CNTRL: variants seen among roughly 807,000 people sequenced by gnomAD.
CNTRL encodes 110 kDa centrosomal protein.
Under a neutral mutation model 303.7 loss-of-function variants are expected in CNTRL, and 233 were observed. The observed-to-expected ratio is 0.77, with a 90% CI of 0.69 to 0.86. The LOEUF is 0.86. Among genes scored for constraint, CNTRL ranks in the 40% least tolerant of loss-of-function variants. The probability of loss-of-function intolerance (pLI) is 0.00; values close to 1 mark genes in which losing one functional copy is unlikely to be tolerated. For synonymous variants in CNTRL, 900 were observed against 922.2 expected (o/e 0.98, Z 0.44); for missense variants, 2,524 against 2,650.6 (o/e 0.95, Z 1.05).
rs768310513 is a variant in CNTRL at position 121,160,235 on chromosome 9, G to A, written c.5022G>A (p.Lys1674=). ...GAAAAACTCAACTTACACTTATAAAGCAGGAAATTGAAAAAGAGGAAGAAA... is the reference window on the plus strand; with the variant it reads ...GAAAAACTCAACTTACACTTATAAAACAGGAAATTGAAAAAGAGGAAGAAA... ...SERKTQLTLI[K]QEIEKEEENL... Residue 1674 remains lysine (K), a synonymous_variant, in exon 32 of 44, where the codon AAG becomes AAA. Transcript: ENST00000373855. The A allele has an allele frequency of 2.6e-6, 4 of 1,561,874 alleles. No individual in the cohort carries two copies. Among genetic ancestry groups the A allele is most frequent in the Non-Finnish European group, 3.4e-6 (4 of 1,159,736 alleles).
intron 27 of CNTRL, among the ~76,000 whole-genome samples, chr9:121,155,457 C>T (rs909508597): frequency 2.0e-5 from 3 of 152,172 alleles, no homozygotes; most frequent in African/African-American, 7.2e-5. Context: ...TCTTGGCTCA[C>T]TGCAACCTCC....
chr9:121,153,702 A>G (rs1204609432), intron 26 of CNTRL, among the ~76,000 whole-genome samples: 1 of 152,204 alleles, frequency 6.6e-6, no homozygotes, highest in Admixed American at 6.5e-5. Context: ...GCAAAAGCCT[A>G]TCTTTTGCAG....
At chr9:121,112,726 A>G (rs2049802608) in intron 9 of CNTRL, 148 bp downstream of exon 9, 1 of 832,014 alleles carries the variant, frequency 1.2e-6, no homozygotes, top group East Asian at 2.6e-5. Flanking sequence ...TTTTGGTTCA[A>G]TCTATGACTT....
chr9:121,075,991 G>C (rs1248145672), intron 1 of CNTRL, among the ~76,000 whole-genome samples: 1 of 152,152 alleles, frequency 6.6e-6, no homozygotes, highest in African/African-American at 2.4e-5. Context: ...ATCCTATACA[G>C]CTAAATCTTT....
rs527842188 is a variant in CNTRL, at chr9:121,117,567, C to T, written c.1456-779C>T. On this transcript the variant is annotated intron_variant, in intron 11 of 43. Transcript: ENST00000373855. ...TCTAGAGTCACACAAAGTCTTGCTT[C>T]CACAAACTCCTAGTATGACCTTGGG... Among the ~76,000 whole-genome samples, 16 of 152,270 alleles carry T rather than the reference C, an allele frequency of 1.1e-4. No individual in the cohort carries two copies. In the South Asian group the frequency reaches 3.3e-3, roughly 32 times the overall value.
chr9:121,076,197 C>T (rs1244155522), intron 1 of CNTRL, among the ~76,000 whole-genome samples: 1 of 152,146 alleles, frequency 6.6e-6, no homozygotes, highest in Non-Finnish European at 1.5e-5. Flanking sequence ...GTGCAGAGAT[C>T]ATGGGTAATA....
intron 40 of CNTRL, among the ~76,000 whole-genome samples, chr9:121,172,185 C>CA (rs1491352700): frequency 3.3e-5 from 5 of 151,718 alleles, no homozygotes; most frequent in Admixed American, 6.6e-5. Context: ...AAAAAATAAC[C>CA]AAAAAAAAAT....
At chr9:121,099,923 C>A (rs1051976162) in intron 7 of CNTRL, among the ~76,000 whole-genome samples, 5 of 152,178 alleles carry the variant, frequency 3.3e-5, no homozygotes, top group African/African-American at 1.2e-4. Context: ...AAGACCAAAT[C>A]TACGATTGAA....
intron 2 of CNTRL, among the ~76,000 whole-genome samples, chr9:121,087,887 G>A (rs2048408239): frequency 6.6e-6 from 1 of 152,172 alleles, no homozygotes; most frequent in Non-Finnish European, 1.5e-5. Context: ...AGGATACCAG[G>A]AGAATGCGGT....
chr9:121,130,188 G>T (rs921609003), intron 14 of CNTRL, among the ~76,000 whole-genome samples: 1 of 152,156 alleles, frequency 6.6e-6, no homozygotes, highest in African/African-American at 2.4e-5. Context: ...TTCATTGGAA[G>T]AGTTTCAGAA....
At chr9:121,108,858 C>G (rs1353998979) in intron 8 of CNTRL, among the ~76,000 whole-genome samples, 1 of 152,060 alleles carries the variant, frequency 6.6e-6, no homozygotes, top group Non-Finnish European at 1.5e-5. Context: ...CTGTATTTAG[C>G]AGAAATGAAA....
chr9:121,161,699 A>G (rs2052861606), intron 32 of CNTRL, among the ~76,000 whole-genome samples, 157 bp from the exon 33 acceptor site: 1 of 152,212 alleles, frequency 6.6e-6, no homozygotes, highest in African/African-American at 2.4e-5. Context: ...CTTTTAGAGA[A>G]TTTTTTATTA....
chr9:121,150,181 G>A lies in CNTRL; in HGVS notation c.3661G>A (p.Gly1221Arg), dbSNP rs755110720. The A allele has an allele frequency of 1.2e-5, 19 of 1,610,854 alleles. No individual in the cohort carries two copies. The highest frequency in any genetic ancestry group is 1.6e-4 in the Middle Eastern group (1 of 6,066). ...TTATTTCTTTGAAGATGCAGACAGT[G>A]GAGGAGATAGTCAGGAAGAGAGTGA... is the stretch of plus-strand genomic sequence containing the variant. ...KLFPSRDADS[G>R]GDSQEESELD... Residue 1221 changes from glycine to arginine, a missense_variant, in exon 25 of 44, where the codon GGA (glycine) becomes AGA (arginine). Gly to Arg is a moderately radical substitution (Grantham distance 125). Coordinates refer to ENST00000373855, the MANE Select transcript of CNTRL (RefSeq NM_007018.6).
Position 121,161,892 on chromosome 9 carries a change from A to G in CNTRL, c.5126A>G (p.Asn1709Ser). The change falls in exon 33 of 44, where the codon AAC becomes AGC. Residue 1709 changes from asparagine (N) to serine (S), a missense_variant. Coordinates refer to ENST00000373855, the MANE Select transcript of CNTRL (RefSeq NM_007018.6). ...KNILDMLQLE[N>S]HELQGLKLQH... ...ATTCTGGACATGTTGCAACTTGAAA[A>G]CCATGAGCTACAAGGTTTGAAGCTA... 1 of 1,614,110 alleles carries G rather than the reference A, an allele frequency of 6.2e-7. No homozygotes were observed. Among genetic ancestry groups the G allele is most frequent in the Non-Finnish European group, 8.5e-7 (1 of 1,179,988 alleles).
chr9:121,105,220 A>G (rs1047383806), intron 7 of CNTRL, among the ~76,000 whole-genome samples: 1 of 152,180 alleles, frequency 6.6e-6, no homozygotes, highest in African/African-American at 2.4e-5. Flanking sequence ...GGAGTGATCC[A>G]GGTTGGAAAC....
At chr9:121,152,392 A>G (rs939251456) in intron 25 of CNTRL, 93 bp from the exon 26 acceptor site, 13 of 1,033,528 alleles carry the variant, frequency 1.3e-5, no homozygotes, top group Non-Finnish European at 1.8e-5. Flanking sequence ...CATTGATACC[A>G]CTTTAACCAC....
rs780946925 is a variant in CNTRL, at chr9:121,169,807, A to G, written c.6267A>G (p.Lys2089=). Reference sequence around the variant, plus strand: ...AGATCCAGCGGAGCCAGCTGGAGAAAAACCTTCTTGTGAGTACCTGCTGCC... The same window carrying G: ...AGATCCAGCGGAGCCAGCTGGAGAAGAACCTTCTTGTGAGTACCTGCTGCC... ...ALKIQRSQLE[K]NLLEQKQENS... is the part of the protein sequence containing the mutation. Residue 2089 remains lysine (K), a synonymous_variant, in exon 39 of 44, where the codon AAA becomes AAG. Coordinates refer to ENST00000373855, the MANE Select transcript of CNTRL (RefSeq NM_007018.6). 10 of 1,613,938 alleles carry G rather than the reference A, an allele frequency of 6.2e-6. No individual in the cohort carries two copies. The highest frequency in any genetic ancestry group is 7.6e-6 in the Non-Finnish European group (9 of 1,179,980).
intron 20 of CNTRL, among the ~76,000 whole-genome samples, 195 bp from the exon 21 acceptor site, chr9:121,144,648 G>A (rs1056300226): frequency 2.6e-5 from 4 of 152,194 alleles, no homozygotes; most frequent in Non-Finnish European, 4.4e-5. Context: ...TTCTGATGCC[G>A]CACCTTGGGG....
chr9:121,106,989 G>C (rs774855675), intron 7 of CNTRL, among the ~76,000 whole-genome samples: 5 of 152,064 alleles, frequency 3.3e-5, no homozygotes, highest in Non-Finnish European at 7.4e-5. Context: ...GGTAGATGTA[G>C]TTTCTGCTTT....
Sources: allele counts gnomAD v4.1 joint callset (sites outside exome capture counted in the v4.1 genomes callset), GRCh38; gene constraint gnomAD v4.1.1; transcripts MANE v1.5; gene names NCBI Gene and HGNC (gene_info 2026-07-23, HGNC 2026-07-21).